Variants in THSD7A observed in about 807,000 individuals in gnomAD.
THSD7A encodes thrombospondin type 1 domain containing 7A.
Under a neutral mutation model 231.3 loss-of-function variants are expected in THSD7A, and 96 were observed. The ratio of observed to expected loss-of-function variants is 0.41; its 90% CI spans 0.35 to 0.49. The LOEUF (loss-of-function observed/expected upper bound fraction) is 0.49. Ranked by LOEUF, THSD7A falls within the 20% of genes least tolerant of loss-of-function variation. THSD7A has a pLI of 0.05. For missense variants in THSD7A, 2,290 were observed against 2,070.2 expected (o/e 1.11, Z -2.06); for synonymous variants, 940 against 743.3 (o/e 1.26, Z -4.30).
chr7:11,434,904 C>T (rs1223091779), intron 13 of THSD7A, among the ~76,000 whole-genome samples: 2 of 151,914 alleles, frequency 1.3e-5, no homozygotes, highest in African/African-American at 4.8e-5. Flanking sequence ...AATGTTCTAC[C>T]CGTTGTATAT....
At chr7:11,514,903 G>A (rs953039496) in intron 6 of THSD7A, among the ~76,000 whole-genome samples, 5 of 152,124 alleles carry the variant, frequency 3.3e-5, no homozygotes, top group Non-Finnish European at 7.4e-5. Context: ...TTGTAGGGGT[G>A]CTCCACCTTC....
At chr7:11,379,845 G>A (rs1782440596) in intron 24 of THSD7A, 133 bp from the exon 25 acceptor site, 1 of 986,058 alleles carries the variant, frequency 1.0e-6, no homozygotes, top group Admixed American at 2.1e-5. Context: ...GTGGTTGACT[G>A]TGAAATATTT....
chr7:11,683,744 C>A (rs967128756), intron 1 of THSD7A, among the ~76,000 whole-genome samples: 3 of 151,702 alleles, frequency 2.0e-5, no homozygotes, highest in Non-Finnish European at 4.4e-5. Flanking sequence ...AACTACCAAC[C>A]CAAAAAAGCC....
chr7:11,379,893 C>CT (rs1328598954), intron 24 of THSD7A, 181 bp from the exon 25 acceptor site: 1 of 626,216 alleles, frequency 1.6e-6, no homozygotes, highest in Non-Finnish European at 2.8e-6. Flanking sequence ...ACTCCAGGCC[C>CT]TTTTTACCCA....
At chr7:11,607,392 C>A (rs1055479747) in intron 2 of THSD7A, among the ~76,000 whole-genome samples, 1 of 152,060 alleles carries the variant, frequency 6.6e-6, no homozygotes, top group African/African-American at 2.4e-5. Flanking sequence ...AGATAGTGAT[C>A]ATTCTGTCCC....
At chr7:11,568,293 C>T (rs1790452446) in intron 4 of THSD7A, among the ~76,000 whole-genome samples, 2 of 151,794 alleles carry the variant, frequency 1.3e-5, no homozygotes, top group Admixed American at 1.3e-4. Flanking sequence ...CTCTGCTGAC[C>T]TTCTGCATAT....
intron 1 of THSD7A, among the ~76,000 whole-genome samples, chr7:11,769,292 T>A (rs9654921): frequency 1.3e-5 from 2 of 149,034 alleles, no homozygotes; most frequent in Non-Finnish European, 3.0e-5. Flanking sequence ...CCACTGCGCC[T>A]GGCCCATTTA....
chr7:11,546,202 G>GCGCGCGCGCGCGCACACACACACACA (rs761841418), intron 4 of THSD7A, among the ~76,000 whole-genome samples: 3 of 129,452 alleles, frequency 2.3e-5, no homozygotes, highest in East Asian at 2.3e-4. Flanking sequence ...GTGGGCGCGC[G>GCGCGCGCGCGCGCACACACACACACA]CTCACACACA....
Position 11,636,538 on chromosome 7 carries a change from T to C in THSD7A, c.614A>G (p.Glu205Gly), listed in dbSNP as rs1370494669. 6.2e-7 allele frequency: 1 copy of C among 1,613,928 alleles called. No homozygotes were observed. The highest frequency in any genetic ancestry group is 1.1e-5 in the South Asian group (1 of 91,082). The change falls in exon 2 of 28, where the codon GAA becomes GGA. Residue 205 changes from glutamate to glycine, a missense_variant. Coordinates refer to ENST00000423059, the MANE Select transcript of THSD7A (RefSeq NM_015204.3). This position sits in a 1 kb window ranked among gnomAD's most constrained non-coding sequence, Gnocchi z 10.0. ...CCCGCTGCCGCAGGTCTTGGAGCAT[T>C]CGGACCAGGCAGAAAATTCAGACAC... ...CIVSEFSAWS[E>G]CSKTCGSGLQ...
At chr7:11,676,458 A>G (rs1341753183) in intron 1 of THSD7A, among the ~76,000 whole-genome samples, 1 of 152,110 alleles carries the variant, frequency 6.6e-6, no homozygotes, top group Non-Finnish European at 1.5e-5. Context: ...GTGTGTTATA[A>G]CAAACTCCTC....
At chr7:11,623,744 A>G (rs1584101243) in intron 2 of THSD7A, among the ~76,000 whole-genome samples, 1 of 152,116 alleles carries the variant, frequency 6.6e-6, no homozygotes, top group Admixed American at 6.6e-5. Context: ...CAGTGAAAAC[A>G]TGTGTCTAGG....
chr7:11,644,048 TA>T (rs35693247), intron 1 of THSD7A, among the ~76,000 whole-genome samples: 105,901 of 145,642 alleles, frequency 0.73, 38,031 homozygotes, highest in South Asian at 0.81. Context: ...ATCCTTTGAC[TA>T]AAAAAAAAAA....
chr7:11,630,447 A>G (rs1327856097), intron 2 of THSD7A, among the ~76,000 whole-genome samples: 1 of 152,192 alleles, frequency 6.6e-6, no homozygotes, highest in Non-Finnish European at 1.5e-5. Flanking sequence ...ATACTCCAAG[A>G]TGTTAATATT....
intron 1 of THSD7A, among the ~76,000 whole-genome samples, chr7:11,787,439 C>T (rs2128176723): frequency 6.6e-6 from 1 of 152,058 alleles, no homozygotes; most frequent in African/African-American, 2.4e-5. Context: ...AATTTATTCT[C>T]TGGGAAGACA....
At chr7:11,552,254 C>G (rs757640684) in intron 4 of THSD7A, among the ~76,000 whole-genome samples, 1 of 151,850 alleles carries the variant, frequency 6.6e-6, no homozygotes, top group African/African-American at 2.4e-5. Flanking sequence ...TATACACTAA[C>G]CCCCATGACT....
intron 1 of THSD7A, among the ~76,000 whole-genome samples, chr7:11,746,101 T>C (rs1782290477): frequency 6.6e-6 from 1 of 151,894 alleles, no homozygotes. Context: ...TCCATTTGTT[T>C]GGATACCAGG....
In THSD7A at chr7:11,778,156, C is replaced by CAAAAAAAA. The variant is rs57740181; in HGVS notation, c.190+53593_190+53600dup. On this transcript the variant is annotated intron_variant, in intron 1 of 27. Coordinates refer to ENST00000423059, the MANE Select transcript of THSD7A (RefSeq NM_015204.3). ...TGGGCGACAGAGCGAGACTCCGTCT[C>CAAAAAAAA]AAAAAAAAAAAAAAAAAAAAAAGAA... is the stretch of plus-strand genomic sequence containing the variant. Among the ~76,000 whole-genome samples, 92 of 44,576 alleles carry CAAAAAAAA rather than the reference C, an allele frequency of 2.1e-3. 2 individuals are homozygous for CAAAAAAAA. The highest frequency in any genetic ancestry group is 4.2e-3 in the African/African-American group (59 of 14,210). The allele number at this position is 44,576 out of a possible 152,430, so 29.2% of individuals were successfully genotyped here. A position where few individuals can be genotyped will look rare whatever the true frequency, so the allele number is the denominator to read the frequency against.
rs1482321715 is a variant in THSD7A, at chr7:11,401,967, A to C, written c.4239T>G (p.Gly1413=). Residue 1413 remains glycine, a splice_region_variant and synonymous_variant, in exon 23 of 28, where the codon GGT becomes GGG. Transcript: ENST00000423059. The part of the protein sequence containing the change: ...LEESCSQPCP[G]DCYLKDWSSW... ...AAGACCAGTCCTTCAAATAACAGTCACCTGTAAAACACATATTTGTAATTT... is the reference window on the plus strand; with the variant it reads ...AAGACCAGTCCTTCAAATAACAGTCCCCTGTAAAACACATATTTGTAATTT... 1 of 1,611,008 alleles carries C rather than the reference A, an allele frequency of 6.2e-7. No homozygotes were observed. Among genetic ancestry groups the C allele is most frequent in the African/African-American group, 1.3e-5 (1 of 74,868 alleles).
At chr7:11,467,729 T>C (rs1785766957) in intron 9 of THSD7A, among the ~76,000 whole-genome samples, 1 of 148,400 alleles carries the variant, frequency 6.7e-6, no homozygotes, top group Non-Finnish European at 1.5e-5. Flanking sequence ...TTTTCAAGTA[T>C]GGTTTTTTAC....
Sources: allele counts gnomAD v4.1 joint callset (sites outside exome capture counted in the v4.1 genomes callset), GRCh38; gene constraint gnomAD v4.1.1; non-coding constraint Gnocchi (gnomAD v3.1); transcripts MANE v1.5; gene names NCBI Gene and HGNC (gene_info 2026-07-23, HGNC 2026-07-21).